Variants in DLGAP1 observed in about 807,000 individuals in gnomAD.
DLGAP1 encodes the protein disks large-associated protein 1.
In DLGAP1, 11 loss-of-function variants were observed where a neutral mutation model predicts 90.8. The ratio of observed to expected loss-of-function variants is 0.12; its 90% confidence interval spans 0.08 to 0.20. The LOEUF is 0.20. Among genes scored for constraint, DLGAP1 ranks in the 10% least tolerant of loss-of-function variants. The pLI, the probability that DLGAP1 is intolerant of heterozygous loss-of-function variation, is 1.00. For synonymous variants in DLGAP1, 558 were observed against 540.7 expected, an observed-to-expected ratio of 1.03 and a Z score of -0.44; for missense variants, 1,050 against 1,333.8, an observed-to-expected ratio of 0.79 and a Z score of 3.31.
intron 7 of DLGAP1, among the ~76,000 whole-genome samples, chr18:3,697,298 G>A (rs545624210): frequency 5.3e-5 from 8 of 152,016 alleles, no homozygotes; most frequent in South Asian, 2.1e-4. Flanking sequence ...TTGATTTTAC[G>A]TCTTTCCCGC....
chr18:3,590,178 G>A (rs2056150727), intron 7 of DLGAP1, among the ~76,000 whole-genome samples: 1 of 152,158 alleles, frequency 6.6e-6, no homozygotes, highest in Non-Finnish European at 1.5e-5. Flanking sequence ...CCAAAGTGTT[G>A]GGATTACACG....
chr18:3,548,215 G>A (rs2053171005), intron 9 of DLGAP1, among the ~76,000 whole-genome samples: 1 of 152,110 alleles, frequency 6.6e-6, no homozygotes, highest in Non-Finnish European at 1.5e-5. Flanking sequence ...CCACTGAATT[G>A]TATACCTTAA....
At chr18:3,613,233 C>T (rs2057713919) in intron 7 of DLGAP1, among the ~76,000 whole-genome samples, 1 of 151,940 alleles carries the variant, frequency 6.6e-6, no homozygotes, top group African/African-American at 2.4e-5. Flanking sequence ...GTTGGTAGCA[C>T]CTCACTTCAT....
intron 1 of DLGAP1, among the ~76,000 whole-genome samples, chr18:4,445,131 C>T (rs1308665912): frequency 5.3e-5 from 8 of 152,078 alleles, no homozygotes; most frequent in Non-Finnish European, 7.4e-5. Context: ...TGGGCTATGT[C>T]CAATATCATC....
intron 8 of DLGAP1, among the ~76,000 whole-genome samples, chr18:3,573,661 T>A (rs1391977002): frequency 2.6e-5 from 4 of 152,128 alleles, no homozygotes; most frequent in Non-Finnish European, 5.9e-5. Context: ...TTTTTGCACT[T>A]TATTCTATGG....
intron 2 of DLGAP1, among the ~76,000 whole-genome samples, chr18:4,031,925 CTATGGTCATATGACA>C (rs1457655038): frequency 1.3e-5 from 2 of 152,242 alleles, no homozygotes; most frequent in South Asian, 4.1e-4. Flanking sequence ...CATGTGGTGG[CTATGGTCATATGACA>C]TATGGTCATA....
intron 1 of DLGAP1, among the ~76,000 whole-genome samples, chr18:4,337,859 G>C (rs2081106320): frequency 6.6e-6 from 1 of 152,036 alleles, no homozygotes; most frequent in Non-Finnish European, 1.5e-5. Flanking sequence ...AGCTATTTCA[G>C]TGCTGTATTT....
intron 7 of DLGAP1, among the ~76,000 whole-genome samples, chr18:3,684,972 G>A (rs973505019): frequency 5.9e-5 from 9 of 152,112 alleles, no homozygotes; most frequent in African/African-American, 2.2e-4. Context: ...TCCTGTATTG[G>A]GTATTCCTTT....
intron 2 of DLGAP1, among the ~76,000 whole-genome samples, chr18:4,020,237 T>C (rs895546782): frequency 3.3e-5 from 5 of 152,210 alleles, no homozygotes; most frequent in East Asian, 1.9e-4. Context: ...CTTCCTGTCA[T>C]GGCCTGAACC....
At chr18:4,004,943 C>T (rs28546582) in intron 3 of DLGAP1, 173 bp downstream of exon 3, 11,252 of 125,426 alleles carry the variant, frequency 0.09, 505 homozygotes, top group East Asian at 0.18. Context: ...TGTGTGTGTG[C>T]GCGCGTGTGT....
chr18:4,035,432 C>A (rs2074872901), intron 2 of DLGAP1, among the ~76,000 whole-genome samples: 1 of 152,098 alleles, frequency 6.6e-6, no homozygotes, highest in African/African-American at 2.4e-5. Context: ...ACTGAAATAT[C>A]ATTAAATAAA....
intron 3 of DLGAP1, among the ~76,000 whole-genome samples, chr18:3,997,670 T>A (rs759270987): frequency 3.7e-4 from 57 of 152,098 alleles, no homozygotes; most frequent in Non-Finnish European, 6.3e-4. Context: ...TAATTTAAAA[T>A]TTTAAAATAC....
At chr18:3,957,894 CTTTTTT>C (rs1290209868) in intron 3 of DLGAP1, among the ~76,000 whole-genome samples, 1 of 139,264 alleles carries the variant, frequency 7.2e-6, no homozygotes, top group Admixed American at 7.2e-5. Context: ...CTATTCCATA[CTTTTTT>C]TTTTTTTTTT....
chr18:3,538,260 C>A (rs2052490084), intron 9 of DLGAP1, among the ~76,000 whole-genome samples: 1 of 152,042 alleles, frequency 6.6e-6, no homozygotes, highest in Admixed American at 6.6e-5. Context: ...TTCTGGCCAT[C>A]CATTTTACGA....
At chr18:3,902,150 T>C (rs940966495) in intron 3 of DLGAP1, among the ~76,000 whole-genome samples, 1 of 152,188 alleles carries the variant, frequency 6.6e-6, no homozygotes, top group Non-Finnish European at 1.5e-5. Flanking sequence ...GCAGAAAAAA[T>C]TGATTGTGTA....
chr18:4,203,616 G>A (rs567706103), intron 1 of DLGAP1, among the ~76,000 whole-genome samples: 35 of 152,198 alleles, frequency 2.3e-4, no homozygotes, highest in Non-Finnish European at 2.4e-4. Flanking sequence ...AACATGCTCT[G>A]ACTCAGTCAG....
At chr18:3,978,367 C>T (rs985454052) in intron 3 of DLGAP1, 7 of 336,032 alleles carry the variant, frequency 2.1e-5, no homozygotes, top group Non-Finnish European at 3.5e-5. Context: ...ATTTAATTTT[C>T]GTGGGATCTC....
intron 1 of DLGAP1, among the ~76,000 whole-genome samples, chr18:4,262,702 C>T (rs1173085199): frequency 6.6e-6 from 1 of 152,108 alleles, no homozygotes; most frequent in African/African-American, 2.4e-5. Flanking sequence ...ACTCTCTGTA[C>T]CCAGACTCCC....
chr18:4,196,282 A>C (rs145430617), intron 1 of DLGAP1, among the ~76,000 whole-genome samples: 1 of 152,216 alleles, frequency 6.6e-6, no homozygotes, highest in Non-Finnish European at 1.5e-5. Flanking sequence ...GTAAGAGAAC[A>C]TAAGGGTGGA....
Sources: gnomAD v4.1 joint callset for allele counts (sites outside exome capture counted in the v4.1 genomes callset) on GRCh38, gnomAD v4.1.1 for gene constraint, MANE v1.5 for transcripts, NCBI Gene and HGNC (gene_info 2026-07-23, HGNC 2026-07-21) for gene names.